AOPEP: variants seen among roughly 807,000 people sequenced by gnomAD.
The protein encoded by AOPEP is aminopeptidase O.
Under a neutral mutation model 98.1 loss-of-function variants are expected in AOPEP, and 77 were observed. That is an observed-to-expected ratio of 0.78 (90% CI 0.65 to 0.95). The LOEUF is 0.95. AOPEP is among the 40% of genes least tolerant of loss of function. The pLI, the probability that AOPEP is intolerant of heterozygous loss-of-function variation, is 0.00. For missense variants in AOPEP, 1,024 were observed against 1,024.7 expected (o/e 1.00, Z 0.01); for synonymous variants, 346 against 365.3 (o/e 0.95, Z 0.60).
intron 7 of AOPEP, chr9:94,932,385 T>C: frequency 1.8e-6 from 1 of 545,282 alleles, no homozygotes; most frequent in Non-Finnish European, 2.3e-6. Context: ...TTACTAGTTT[T>C]AGTAATTTAT....
At chr9:95,146,738 C>T in the AOPEP span, among the ~76,000 whole-genome samples, 1 of 151,868 alleles carries the variant, frequency 6.6e-6, no homozygotes, top group Non-Finnish European at 1.5e-5. Flanking sequence ...CAGAGCCACT[C>T]GTAACTTGGA....
chr9:94,743,211 G>GGAAGAAGAGGAAGAAGAGGAA lies in AOPEP; in HGVS notation c.-135-16421_-135-16420insGGAAGAAGAAGAGGAAGAAGA, dbSNP rs1564051961. 3.5e-3 allele frequency among the ~76,000 whole-genome samples: 509 copies of GGAAGAAGAGGAAGAAGAGGAA among 145,784 alleles called. 1 individual carries two copies. The highest frequency in any genetic ancestry group is 9.5e-3 in the East Asian group (45 of 4,726). On this transcript the variant is annotated intron_variant, in intron 1 of 16. Coordinates refer to ENST00000375315, the MANE Select transcript of AOPEP (RefSeq NM_001193329.3). ...AAGAAGAAGAAGAAGAGGAAGAAGA[G>GGAAGAAGAGGAAGAAGAGGAA]GAAGAAGAGGAAGAAGAAGAGGAAG...
intron 14 of AOPEP, among the ~76,000 whole-genome samples, chr9:95,063,681 G>C (rs138874934): frequency 6.6e-6 from 1 of 152,204 alleles, no homozygotes; most frequent in Non-Finnish European, 1.5e-5. Context: ...GGTAGCACCC[G>C]TTCTTCCCTT....
At chr9:94,919,959 A>G (rs1443523894) in intron 5 of AOPEP, among the ~76,000 whole-genome samples, 1 of 152,160 alleles carries the variant, frequency 6.6e-6, no homozygotes, top group East Asian at 1.9e-4. Context: ...TGATAAATGT[A>G]AGTCTGTATG....
intron 3 of AOPEP, among the ~76,000 whole-genome samples, chr9:94,789,373 T>C (rs1449859335): frequency 1.3e-5 from 2 of 152,228 alleles, no homozygotes; most frequent in South Asian, 2.1e-4. Context: ...GAAATTCTAA[T>C]GGTTCTTGGT....
intron 5 of AOPEP, among the ~76,000 whole-genome samples, chr9:94,923,043 A>G (rs1423726472): frequency 6.6e-6 from 1 of 152,194 alleles, no homozygotes; most frequent in Admixed American, 6.5e-5. Flanking sequence ...GGAAGGTTTC[A>G]CAACTGTTTT....
chr9:94,814,150 T>C (rs6479569), intron 5 of AOPEP, among the ~76,000 whole-genome samples: 146,162 of 152,320 alleles, frequency 0.96, 70,165 homozygotes, highest in African/African-American at 0.99. Context: ...AATATAAGAT[T>C]AATAGGTGTG....
chr9:94,807,998 T>G (rs1849610763), intron 5 of AOPEP, among the ~76,000 whole-genome samples: 1 of 152,140 alleles, frequency 6.6e-6, no homozygotes, highest in South Asian at 2.1e-4. Context: ...ATTTCACCCC[T>G]AATAAGTAAT....
At chr9:94,955,076 A>G (rs2058362282) in intron 7 of AOPEP, 101 bp from the exon 8 acceptor site, 1 of 642,236 alleles carries the variant, frequency 1.6e-6, no homozygotes, top group East Asian at 2.7e-5. Context: ...TAGAATCAGG[A>G]TGATATTGAG....
At chr9:94,912,686 G>A (rs1216572095) in intron 5 of AOPEP, among the ~76,000 whole-genome samples, 1 of 152,094 alleles carries the variant, frequency 6.6e-6, no homozygotes. Context: ...CTCGGCTATG[G>A]GCTCCCTGGG....
chr9:95,004,695 G>A (rs1029987593), intron 11 of AOPEP, among the ~76,000 whole-genome samples: 1 of 150,802 alleles, frequency 6.6e-6, no homozygotes, highest in Non-Finnish European at 1.5e-5. Context: ...CCGCTCGCAG[G>A]GCGCGGAGCC....
intron 11 of AOPEP, among the ~76,000 whole-genome samples, chr9:94,996,325 C>T (rs866069802): frequency 6.6e-6 from 1 of 151,300 alleles, no homozygotes; most frequent in Non-Finnish European, 1.5e-5. Flanking sequence ...CTCCACCCCC[C>T]ACATGTGGTG....
chr9:95,090,791 G>A (rs1272424436), downstream of AOPEP, among the ~76,000 whole-genome samples: 1 of 152,192 alleles, frequency 6.6e-6, no homozygotes, highest in African/African-American at 2.4e-5. Flanking sequence ...CAGGGAAGAC[G>A]GTCAGGTCCC....
intron 14 of AOPEP, among the ~76,000 whole-genome samples, chr9:95,068,314 C>T (rs2068117891): frequency 2.0e-5 from 1 of 50,978 alleles, no homozygotes; most frequent in Non-Finnish European, 5.7e-5. Flanking sequence ...ATGGGTTCGG[C>T]CTCCACCAGC....
intron 1 of AOPEP, among the ~76,000 whole-genome samples, chr9:94,756,518 A>G (rs1319071493): frequency 6.6e-6 from 1 of 152,172 alleles, no homozygotes; most frequent in Non-Finnish European, 1.5e-5. Context: ...AATGTTCAGA[A>G]TAGGGTGTAA....
chr9:94,792,930 G>T lies in AOPEP; in HGVS notation c.1118+12G>T. On this transcript the variant is annotated intron_variant, in intron 4 of 16. Transcript: ENST00000375315. ...GAGGCCAACTTCAGGTTTGTGTTTG[G>T]GGACTTGCTGGGAAGGAAAAAAAAA... 6.3e-7 allele frequency: 1 copy of T among 1,579,058 alleles called. No homozygotes were observed. The highest frequency in any genetic ancestry group is 1.2e-5 in the South Asian group (1 of 86,664).
intron 13 of AOPEP, among the ~76,000 whole-genome samples, chr9:95,057,223 C>T (rs1000030031): frequency 6.6e-6 from 1 of 152,222 alleles, no homozygotes; most frequent in South Asian, 2.1e-4. Context: ...CCTTATCTCT[C>T]TCCCGCCAGT....
At chr9:94,797,410 A>G (rs1003830095) in intron 4 of AOPEP, among the ~76,000 whole-genome samples, 1 of 150,824 alleles carries the variant, frequency 6.6e-6, no homozygotes, top group African/African-American at 2.4e-5. Flanking sequence ...CAGCCTGGCA[A>G]TAGAGCAAGA....
chr9:95,087,443 A>C (rs1336582194), downstream of AOPEP, among the ~76,000 whole-genome samples: 2 of 123,308 alleles, frequency 1.6e-5, no homozygotes, highest in Non-Finnish European at 1.6e-5. Flanking sequence ...AGATTGCGCC[A>C]CTGCACTCCA....
Sources: allele counts gnomAD v4.1 joint callset (sites outside exome capture counted in the v4.1 genomes callset), GRCh38; gene constraint gnomAD v4.1.1; transcripts MANE v1.5; gene names NCBI Gene and HGNC (gene_info 2026-07-23, HGNC 2026-07-21).